ATRNL1: variants seen among roughly 807,000 people sequenced by gnomAD.
The protein encoded by ATRNL1 is attractin-like protein 1.
ATRNL1 carries 95 observed loss-of-function variants against 182.7 expected under a neutral mutation model. That is an observed-to-expected ratio of 0.52 (90% confidence interval 0.44 to 0.62). The LOEUF (loss-of-function observed/expected upper bound fraction) is 0.62. ATRNL1 is among the 20% of genes least tolerant of loss of function. The pLI, the probability that ATRNL1 is intolerant of heterozygous loss-of-function variation, is 0.00. For missense variants in ATRNL1, 1,471 were observed against 1,679.5 expected, an observed-to-expected ratio of 0.88 and a Z score of 2.17; for synonymous variants, 576 against 568.3, an observed-to-expected ratio of 1.01 and a Z score of -0.19.
chr10:115,868,577 C>T (rs1167539975), intron 28 of ATRNL1, among the ~76,000 whole-genome samples: 1 of 152,240 alleles, frequency 6.6e-6, no homozygotes, highest in Non-Finnish European at 1.5e-5. Context: ...TGAATGCATA[C>T]TCTCTGCCTC....
chr10:115,806,951 A>G (rs1469882192), intron 27 of ATRNL1, among the ~76,000 whole-genome samples: 2 of 152,158 alleles, frequency 1.3e-5, no homozygotes, highest in African/African-American at 2.4e-5. Context: ...AAATCATCTT[A>G]CTTTAGCTAT....
intron 17 of ATRNL1, among the ~76,000 whole-genome samples, chr10:115,315,300 C>T (rs551274982): frequency 2.6e-5 from 4 of 152,062 alleles, no homozygotes; most frequent in Non-Finnish European, 5.9e-5. Flanking sequence ...CCTTTTTTCA[C>T]TCCTGTGGTG....
chr10:115,144,780 A>T, intron 5 of ATRNL1, among the ~76,000 whole-genome samples: 1 of 152,198 alleles, frequency 6.6e-6, no homozygotes, highest in East Asian at 1.9e-4. Context: ...AAGTGAATTG[A>T]AATAGTGTCT....
At chr10:115,491,393 T>C (rs548947141) in intron 24 of ATRNL1, among the ~76,000 whole-genome samples, 47 of 150,746 alleles carry the variant, frequency 3.1e-4, no homozygotes, top group African/African-American at 1.1e-3. Flanking sequence ...GGGTTTTATC[T>C]TTAAGTCCCT....
chr10:115,636,061 C>T (rs1430115099), intron 26 of ATRNL1, among the ~76,000 whole-genome samples: 1 of 152,090 alleles, frequency 6.6e-6, no homozygotes, highest in Admixed American at 6.6e-5. Flanking sequence ...ATTTCTTATT[C>T]TAGATCATAG....
At chr10:115,228,590 C>A (rs1430627080) in intron 9 of ATRNL1, among the ~76,000 whole-genome samples, 1 of 151,988 alleles carries the variant, frequency 6.6e-6, no homozygotes, top group Non-Finnish European at 1.5e-5. Flanking sequence ...TTGTTTAGGT[C>A]TTTTCTTCAA....
At chr10:115,620,728 A>G (rs1857684636) in intron 26 of ATRNL1, among the ~76,000 whole-genome samples, 1 of 152,224 alleles carries the variant, frequency 6.6e-6, no homozygotes, top group Non-Finnish European at 1.5e-5. Flanking sequence ...AGAATTTATT[A>G]AGGTATTTCT....
chr10:115,270,239 AAAT>A (rs1840331430), intron 13 of ATRNL1, among the ~76,000 whole-genome samples: 1 of 144,816 alleles, frequency 6.9e-6, no homozygotes, highest in African/African-American at 2.6e-5. Flanking sequence ...TTATATATAT[AAAT>A]AAATAATATA....
chr10:115,773,333 A>G (rs1555076947), intron 27 of ATRNL1, among the ~76,000 whole-genome samples: 1 of 152,148 alleles, frequency 6.6e-6, no homozygotes, highest in Non-Finnish European at 1.5e-5. Flanking sequence ...AGGAGTAAAA[A>G]TCTTCCTACA....
intron 28 of ATRNL1, among the ~76,000 whole-genome samples, chr10:115,855,480 G>A (rs1589609143): frequency 6.6e-6 from 1 of 152,154 alleles, no homozygotes; most frequent in Non-Finnish European, 1.5e-5. Context: ...GAAGGCAGTG[G>A]CAATATCTTA....
At chr10:115,571,196 A>G (rs561842114) in intron 26 of ATRNL1, among the ~76,000 whole-genome samples, 4 of 152,228 alleles carry the variant, frequency 2.6e-5, no homozygotes, top group Non-Finnish European at 5.9e-5. Context: ...GACTAGACCT[A>G]TAATTTCCAC....
chr10:115,497,485 T>C (rs1554978706), intron 24 of ATRNL1, among the ~76,000 whole-genome samples: 1 of 152,100 alleles, frequency 6.6e-6, no homozygotes. Context: ...TCTCACTCTT[T>C]TCTGTTCTCC....
chr10:115,760,845 T>C (rs918200567), intron 27 of ATRNL1, among the ~76,000 whole-genome samples: 1 of 152,210 alleles, frequency 6.6e-6, no homozygotes, highest in Admixed American at 6.5e-5. Context: ...AGGTATAGTT[T>C]GTTGTATTTT....
chr10:115,741,188 A>G (rs1948129912), intron 27 of ATRNL1, among the ~76,000 whole-genome samples: 1 of 152,204 alleles, frequency 6.6e-6, no homozygotes, highest in South Asian at 2.1e-4. Flanking sequence ...CTCTAATAAA[A>G]ATATGTTATT....
chr10:115,697,527 T>C (rs1946602302), intron 26 of ATRNL1, among the ~76,000 whole-genome samples: 1 of 152,130 alleles, frequency 6.6e-6, no homozygotes, highest in African/African-American at 2.4e-5. Flanking sequence ...GTTTTCACCA[T>C]GTTGCCCAGG....
chr10:115,364,707 T>A (rs1856934238), intron 19 of ATRNL1, among the ~76,000 whole-genome samples: 1 of 151,860 alleles, frequency 6.6e-6, no homozygotes, highest in Non-Finnish European at 1.5e-5. Context: ...AATACCTAAT[T>A]TATTGAGAGT....
chr10:115,648,740 A>G (rs1180999297), intron 26 of ATRNL1, among the ~76,000 whole-genome samples: 3 of 152,160 alleles, frequency 2.0e-5, no homozygotes, highest in African/African-American at 7.2e-5. Context: ...CACAAACTCT[A>G]TTTAAGGTAG....
intron 26 of ATRNL1, among the ~76,000 whole-genome samples, chr10:115,574,317 A>G (rs1854581544): frequency 6.7e-6 from 1 of 148,690 alleles, no homozygotes; most frequent in Admixed American, 6.9e-5. Context: ...CATATGTACA[A>G]GTAGTTTTGT....
chr10:115,635,839 G>A (rs2769418), intron 26 of ATRNL1, among the ~76,000 whole-genome samples: 75,390 of 151,924 alleles, frequency 0.5, 19,589 homozygotes, highest in East Asian at 0.84. Context: ...CTACATGTAA[G>A]TATAACAAGG....
Sources: allele counts gnomAD v4.1 joint callset (sites outside exome capture counted in the v4.1 genomes callset), GRCh38; gene constraint gnomAD v4.1.1; transcripts MANE v1.5; gene names NCBI Gene and HGNC (gene_info 2026-07-23, HGNC 2026-07-21).